CCDC7: variants seen among roughly 807,000 people sequenced by gnomAD.
CCDC7 encodes coiled-coil domain containing 7.
Under a neutral mutation model 196.9 loss-of-function variants are expected in CCDC7, and 183 were observed. The ratio of observed to expected loss-of-function variants is 0.93; its 90% CI spans 0.82 to 1.05. CCDC7 has a LOEUF of 1.05. Ranked by LOEUF, CCDC7 falls within the 50% of genes least tolerant of loss-of-function variation. The pLI is 0.00. For missense variants in CCDC7, 1,540 were observed against 1,482.2 expected, an observed-to-expected ratio of 1.04 and a Z score of -0.64; for synonymous variants, 525 against 484.6, an observed-to-expected ratio of 1.08 and a Z score of -1.10.
intron 11 of CCDC7, among the ~76,000 whole-genome samples, chr10:32,526,069 G>A (rs2048627217): frequency 6.6e-6 from 1 of 152,208 alleles, no homozygotes; most frequent in Non-Finnish European, 1.5e-5. Flanking sequence ...AGGGATGAGA[G>A]TAAAAACCTT....
chr10:32,571,272 G>T (rs563839013), intron 15 of CCDC7, among the ~76,000 whole-genome samples: 1 of 152,206 alleles, frequency 6.6e-6, no homozygotes, highest in African/African-American at 2.4e-5. Flanking sequence ...GCCTCCCAAA[G>T]TGCTGGGATT....
chr10:32,604,709 A>AT (rs1361979199), intron 18 of CCDC7, among the ~76,000 whole-genome samples: 6 of 150,200 alleles, frequency 4.0e-5, no homozygotes, highest in South Asian at 2.1e-4. Context: ...TGCTTTCTTG[A>AT]TTTTTTTTCA....
chr10:32,864,447 A>G (rs1467438758), intron 41 of CCDC7, among the ~76,000 whole-genome samples: 1 of 151,790 alleles, frequency 6.6e-6, no homozygotes, highest in Non-Finnish European at 1.5e-5. Context: ...AGACACAGCA[A>G]TATCATTTAC....
chr10:32,858,623 A>G (rs748758298), intron 41 of CCDC7, among the ~76,000 whole-genome samples: 1 of 152,178 alleles, frequency 6.6e-6, no homozygotes. Context: ...GACAAAGTTC[A>G]GCATTCTTTC....
chr10:32,454,976 T>C (rs1307275559), intron 2 of CCDC7, among the ~76,000 whole-genome samples: 1 of 152,180 alleles, frequency 6.6e-6, no homozygotes, highest in African/African-American at 2.4e-5. Flanking sequence ...TGGTCCACTA[T>C]TATCATCACT....
At chr10:32,674,232 T>C (rs2074552607) in intron 21 of CCDC7, among the ~76,000 whole-genome samples, 1 of 151,976 alleles carries the variant, frequency 6.6e-6, no homozygotes, top group Non-Finnish European at 1.5e-5. Flanking sequence ...CAACTTTCCT[T>C]ATGGTACTGC....
chr10:32,532,422 G>A (rs1280945066), intron 11 of CCDC7, among the ~76,000 whole-genome samples: 2 of 151,998 alleles, frequency 1.3e-5, no homozygotes, highest in South Asian at 2.1e-4. Context: ...TCTATGTTTT[G>A]CATTTGTTAA....
chr10:32,663,387 A>C (rs945924091), intron 20 of CCDC7, among the ~76,000 whole-genome samples: 1 of 152,198 alleles, frequency 6.6e-6, no homozygotes. Flanking sequence ...TGTAGGGTCT[A>C]TGCAAATTTT....
intron 13 of CCDC7, among the ~76,000 whole-genome samples, chr10:32,564,898 GC>G (rs1300939437): frequency 6.6e-6 from 1 of 152,096 alleles, no homozygotes; most frequent in African/African-American, 2.4e-5. Context: ...GATGGCTTGA[GC>G]CTATGAATTT....
intron 8 of CCDC7, 61 bp downstream of exon 9, chr10:32,474,084 A>AAAGTAAT: frequency 6.4e-7 from 1 of 1,550,558 alleles, no homozygotes; most frequent in Non-Finnish European, 8.8e-7. Flanking sequence ...TAATTTCTAT[A>AAAGTAAT]AAGTAATAAT....
At chr10:32,633,738 A>ATG (rs151327256) in intron 18 of CCDC7, among the ~76,000 whole-genome samples, 62,829 of 129,976 alleles carry the variant, frequency 0.48, 16,187 homozygotes, top group Non-Finnish European at 0.55. Flanking sequence ...GTGTATATAT[A>ATG]TGTGTGTGTG....
chr10:32,590,626 C>T (rs2059697187), intron 18 of CCDC7, among the ~76,000 whole-genome samples: 1 of 152,090 alleles, frequency 6.6e-6, no homozygotes, highest in Admixed American at 6.5e-5. Flanking sequence ...CCTTTTCTTT[C>T]AGATTGAAGA....
intron 21 of CCDC7, among the ~76,000 whole-genome samples, chr10:32,671,615 TG>T (rs1433668566): frequency 6.6e-6 from 1 of 152,194 alleles, no homozygotes; most frequent in East Asian, 1.9e-4. Context: ...GAGATTATTG[TG>T]GTGTTTTGGT....
At chr10:32,704,370 G>T (rs1178281958) in intron 24 of CCDC7, among the ~76,000 whole-genome samples, 2 of 152,094 alleles carry the variant, frequency 1.3e-5, no homozygotes, top group African/African-American at 4.8e-5. Context: ...TCCTCTGGAA[G>T]TTTTGTCTTA....
chr10:32,814,667 TAAG>T (rs931298749), intron 31 of CCDC7, among the ~76,000 whole-genome samples: 5 of 152,156 alleles, frequency 3.3e-5, no homozygotes, highest in African/African-American at 9.7e-5. Context: ...ATGGATGTGA[TAAG>T]AAGATGAATA....
intron 22 of CCDC7, among the ~76,000 whole-genome samples, chr10:32,882,235 G>A (rs1047276786): frequency 6.6e-5 from 10 of 152,154 alleles, no homozygotes; most frequent in African/African-American, 2.4e-4. Context: ...TTGTTAAGAG[G>A]AGATATCAAG....
At chr10:32,843,305 ATAG>A (rs1329742561) in intron 33 of CCDC7, among the ~76,000 whole-genome samples, 3 of 152,016 alleles carry the variant, frequency 2.0e-5, no homozygotes, top group African/African-American at 7.2e-5. Context: ...TCTTTTATAT[ATAG>A]TAGTAATACA....
chr10:32,599,673 A>AT (rs2060791278), intron 18 of CCDC7, among the ~76,000 whole-genome samples: 1 of 152,082 alleles, frequency 6.6e-6, no homozygotes, highest in African/African-American at 2.4e-5. Context: ...TTTTATTTCA[A>AT]TAATATTAGG....
intron 25 of CCDC7, among the ~76,000 whole-genome samples, chr10:32,715,653 G>A (rs140808138): frequency 0.021 from 3,272 of 152,256 alleles, 54 homozygotes; most frequent in Admixed American, 0.035. Flanking sequence ...AAGAACCTTG[G>A]TAAAATGTCA....
Sources: gnomAD v4.1 joint callset for allele counts (sites outside exome capture counted in the v4.1 genomes callset) on GRCh38, gnomAD v4.1.1 for gene constraint, MANE v1.5 for transcripts, NCBI Gene and HGNC (gene_info 2026-07-23, HGNC 2026-07-21) for gene names.